FASTKD3: variants seen among roughly 807,000 people sequenced by gnomAD.
The protein encoded by FASTKD3 is FAST kinase domains 3, also known as FAST kinase domain-containing protein 3, mitochondrial.
In FASTKD3, 47 loss-of-function variants were observed where a neutral mutation model predicts 49.7. That is an observed-to-expected ratio of 0.95 (90% CI 0.75 to 1.21). The LOEUF is 1.21. Among genes scored for constraint, FASTKD3 ranks in the 50% most tolerant of loss-of-function variants. The probability of loss-of-function intolerance (pLI) is 0.00; values close to 1 mark genes in which losing one functional copy is unlikely to be tolerated. For missense variants in FASTKD3, 748 were observed against 765.7 expected (o/e 0.98, Z 0.27); for synonymous variants, 284 against 288.6 (o/e 0.98, Z 0.16).
chr5:7,862,752 A>C, intron 4 of FASTKD3, 71 bp downstream of exon 4: 1 of 1,306,752 alleles, frequency 7.7e-7, no homozygotes, highest in Non-Finnish European at 1.1e-6. Flanking sequence ...TATTGCTTCT[A>C]AGTCCCATAT....
intron 2 of FASTKD3, among the ~76,000 whole-genome samples, 158 bp downstream of exon 2, chr5:7,866,488 A>G (rs1746958363): frequency 1.3e-5 from 2 of 152,180 alleles, no homozygotes; most frequent in South Asian, 4.1e-4. Flanking sequence ...AGCATGCTTT[A>G]ACTGTGTTTA....
Position 7,859,402 on chromosome 5 carries a change from G to A in FASTKD3, c.*33C>T. ...AATACTGAGTTCCATAAAAATGCAA[G>A]TTCTTCCATTGTTTGAGTTCTGAAG... On this transcript the variant is annotated 3_prime_UTR_variant, in exon 7 of 7. Transcript: ENST00000264669. The A allele has an allele frequency of 7.3e-7, 1 of 1,378,638 alleles. No individual in the cohort carries two copies. The highest frequency in any genetic ancestry group is 1.3e-5 in the South Asian group (1 of 77,798). 85.4% of individuals were successfully genotyped at this position (1,378,638 alleles called of 1,614,324 possible).
At position 7,862,427 on chromosome 5, in the gene FASTKD3, C is replaced by T. The variant is rs79645750; in HGVS notation, c.1699+396G>A. Among the ~76,000 whole-genome samples the T allele has an allele frequency of 3.3e-5, 5 of 152,234 alleles. No homozygotes were observed. In the East Asian group the frequency reaches 9.6e-4, roughly 29 times the overall value. On this transcript the variant is annotated intron_variant, in intron 4 of 6. Transcript: ENST00000264669. Reference sequence around the variant, plus strand: ...TTAATAATTTAAATTTAAATAGCCACATGGTCTAGTGGCTACTATATTTGG... The same window carrying T: ...TTAATAATTTAAATTTAAATAGCCATATGGTCTAGTGGCTACTATATTTGG...
chr5:7,859,535 G>T lies in FASTKD3; in HGVS notation c.1889C>A (p.Pro630His). ...QLLGYQVVQI[P>H]YHEIGMLKSR... is the part of the protein sequence containing the mutation. ...TTTTAGCATCCCAATCTCATGATAG[G>T]GGATCTGTAAAGGTAGAAAAGTAAA... is the stretch of plus-strand genomic sequence containing the variant. The change falls in exon 7 of 7, where the codon CCC becomes CAC. Residue 630 changes from proline (P) to histidine (H), a missense_variant. Physicochemically the swap from Pro to His is moderately conservative, Grantham distance 77. This residue lies in a region of FASTKD3 where 178 missense variants were observed against 182.2 expected (regional missense o/e 0.98). Coordinates refer to ENST00000264669, the MANE Select transcript of FASTKD3 (RefSeq NM_024091.4). 1 of 1,587,212 alleles carries T rather than the reference G, an allele frequency of 6.3e-7. No homozygotes were observed. Among genetic ancestry groups the T allele is most frequent in the Admixed American group, 1.7e-5 (1 of 57,520 alleles).
intron 4 of FASTKD3, among the ~76,000 whole-genome samples, chr5:7,862,588 G>GA (rs1490773782): frequency 6.6e-6 from 1 of 151,972 alleles, no homozygotes; most frequent in South Asian, 2.1e-4. Context: ...GAAGCAAGCA[G>GA]AAAAAGGTTA....
In FASTKD3 at chr5:7,866,011, T is replaced by C. The variant is rs752576942; in HGVS notation, c.1439-28A>G. On this transcript the variant is annotated intron_variant, in intron 2 of 6. Transcript: ENST00000264669. ...GAAACAGAAAGCATCCCAGTCATAG[T>C]TACGTCTGAATTGAGGTATGTATGA... is the stretch of plus-strand genomic sequence containing the variant. The C allele has an allele frequency of 1.8e-5, 28 of 1,558,944 alleles. No homozygotes were observed. The East Asian group carries it at 6.3e-4, about 35-fold the overall frequency.
chr5:7,860,854 A>G (rs1746486360), intron 6 of FASTKD3, among the ~76,000 whole-genome samples: 1 of 152,228 alleles, frequency 6.6e-6, no homozygotes, highest in South Asian at 2.1e-4. Context: ...CATCTCACAA[A>G]CTAATAATTA....
chr5:7,868,845 G>C (rs971958355), intron 1 of FASTKD3, 134 bp downstream of exon 1: 2 of 530,262 alleles, frequency 3.8e-6, no homozygotes, highest in Admixed American at 3.2e-5. Context: ...CCCGCGGGGC[G>C]AGCACCCCCA....
chr5:7,868,513 T>A (rs1250820941), intron 1 of FASTKD3, among the ~76,000 whole-genome samples: 1 of 152,104 alleles, frequency 6.6e-6, no homozygotes, highest in Non-Finnish European at 1.5e-5. Flanking sequence ...AGGAAGAAAT[T>A]GCATTTGGAT....
chr5:7,860,579 A>T (rs1387268783), intron 6 of FASTKD3, among the ~76,000 whole-genome samples: 1 of 152,228 alleles, frequency 6.6e-6, no homozygotes, highest in Non-Finnish European at 1.5e-5. Context: ...ATAAGTCAAG[A>T]GATTTAAGCC....
intron 4 of FASTKD3, among the ~76,000 whole-genome samples, chr5:7,862,518 AT>A (rs1746624878): frequency 1.3e-5 from 2 of 152,126 alleles, no homozygotes; most frequent in African/African-American, 4.8e-5. Context: ...TCCAGGTACT[AT>A]TTTATTTAGA....
chr5:7,861,098 T>C, intron 6 of FASTKD3, 51 bp downstream of exon 6: 1 of 1,097,952 alleles, frequency 9.1e-7, no homozygotes, highest in Non-Finnish European at 1.3e-6. Flanking sequence ...GAAAAATAAT[T>C]TTGAAATAGG....
rs1418245986 is a variant in FASTKD3, at chr5:7,861,235, T to G, written c.1798A>C (p.Arg600=). 1 of 1,609,502 alleles carries G rather than the reference T, an allele frequency of 6.2e-7. No individual in the cohort carries two copies. Residue 600 remains arginine, a synonymous_variant, in exon 6 of 7, where the codon AGG becomes CGG. Coordinates refer to ENST00000264669, the MANE Select transcript of FASTKD3 (RefSeq NM_024091.4). ...RIALCIDGPK[R]FCSNSKHLLG... Reference sequence around the variant, plus strand: ...AAGTGTTTGCTATTGGAGCAAAACCTTTTTGGACCATCAATACACAGTGCT... The same window carrying G: ...AAGTGTTTGCTATTGGAGCAAAACCGTTTTGGACCATCAATACACAGTGCT...
intron 2 of FASTKD3, among the ~76,000 whole-genome samples, chr5:7,866,342 A>C (rs1746948629): frequency 6.6e-6 from 1 of 151,224 alleles, no homozygotes; most frequent in Non-Finnish European, 1.5e-5. Context: ...ACAGTTGCTC[A>C]CTCATCAAAA....
chr5:7,864,485 G>T (rs1010843024), intron 3 of FASTKD3, among the ~76,000 whole-genome samples: 1 of 151,834 alleles, frequency 6.6e-6, no homozygotes, highest in Admixed American at 6.6e-5. Flanking sequence ...AGTAATAAAA[G>T]AGTACAAATC....
chr5:7,862,808 C>T lies in FASTKD3; in HGVS notation c.1699+15G>A. ...TGCTTAGGTTTAAAACAACAAAACT[C>T]CTTATACTACTTACCTATTGTATAA... On this transcript the variant is annotated intron_variant, in intron 4 of 6. Transcript: ENST00000264669. 1 of 1,600,964 alleles carries T rather than the reference C, an allele frequency of 6.2e-7. No individual in the cohort carries two copies. The highest frequency in any genetic ancestry group is 8.5e-7 in the Non-Finnish European group (1 of 1,172,212).
At position 7,867,904 on chromosome 5, in the gene FASTKD3, G is replaced by C; in HGVS notation, c.180C>G (p.Ala60=). The part of the protein sequence containing the change: ...PEPFGVKFHH[A]HCKKFHSKNG... ...TTTTCGAATGAAACTTTTTACAATG[G>C]GCATGATGGAATTTGACCCCGAAAG... The change falls in exon 2 of 7, where the codon GCC becomes GCG. Residue 60 remains alanine (A), a synonymous_variant. Transcript: ENST00000264669. 6.2e-7 allele frequency: 1 copy of C among 1,614,062 alleles called. No homozygotes were observed. Among genetic ancestry groups the C allele is most frequent in the Non-Finnish European group, 8.5e-7 (1 of 1,180,016 alleles).
rs1311103279 is a variant in FASTKD3, at chr5:7,867,483, C to T, written c.601G>A (p.Val201Met). 1 of 1,614,086 alleles carries T rather than the reference C, an allele frequency of 6.2e-7. No homozygotes were observed. Among genetic ancestry groups the T allele is most frequent in the Non-Finnish European group, 8.5e-7 (1 of 1,180,056 alleles). The change falls in exon 2 of 7, where the codon GTG (valine) becomes ATG (methionine). Residue 201 changes from valine to methionine, a missense_variant. Coordinates refer to ENST00000264669, the MANE Select transcript of FASTKD3 (RefSeq NM_024091.4). ...CTGAGACGATTTTGGCATTCTGCCA[C>T]CAGGTTCAGCAACAGGCTACTTTGA... is the stretch of plus-strand genomic sequence containing the variant. ...DPQSSLLLNL[V>M]AECQNRLRKG...
rs60653965 is a variant in FASTKD3 at position 7,867,319 on chromosome 5, A to G, written c.765T>C (p.Asp255=). The change falls in exon 2 of 7, where the codon GAT becomes GAC. Residue 255 remains aspartate, a synonymous_variant. Coordinates refer to ENST00000264669, the MANE Select transcript of FASTKD3 (RefSeq NM_024091.4). ...GEKLETFTPE[D]IVALYRILQA... is the part of the protein sequence containing the mutation. ...GCAAGATTCTATAAAGGGCCACAAT[A>G]TCCTCCGGGGTAAATGTTTCCAATT... 102 of 1,613,974 alleles carry G rather than the reference A, an allele frequency of 6.3e-5. No individual in the cohort carries two copies. The African/African-American group carries it at 1.2e-3, about 19-fold the overall frequency.
Sources: allele counts gnomAD v4.1 joint callset (sites outside exome capture counted in the v4.1 genomes callset), GRCh38; gene constraint gnomAD v4.1.1; regional missense constraint gnomAD v4.1.1; transcripts MANE v1.5; gene names NCBI Gene and HGNC (gene_info 2026-07-23, HGNC 2026-07-21).